ZNF445: variants seen among roughly 807,000 people sequenced by gnomAD.
ZNF445 encodes the protein zinc finger protein 168.
ZNF445 carries 19 observed loss-of-function variants against 93.9 expected under a neutral mutation model. That is an observed-to-expected ratio of 0.20 (90% CI 0.14 to 0.30). The LOEUF (loss-of-function observed/expected upper bound fraction) is 0.30. ZNF445 is among the 10% of genes least tolerant of loss of function. ZNF445 has a pLI of 1.00. For missense variants in ZNF445, 1,058 were observed against 1,259.4 expected (o/e 0.84, Z 2.42); for synonymous variants, 449 against 446.3 (o/e 1.01, Z -0.08).
At chr3:44,456,665 TATA>T (rs1429170201) in intron 2 of ZNF445, among the ~76,000 whole-genome samples, 3 of 152,188 alleles carry the variant, frequency 2.0e-5, no homozygotes, top group African/African-American at 7.2e-5. Flanking sequence ...ATTTTGCTAT[TATA>T]ATATTTTAAA....
At position 44,433,637 on chromosome 3, in the gene ZNF445, T is replaced by G. The variant is rs1369170553; in HGVS notation, c.*12938A>C. 1 of 152,430 alleles carries G rather than the reference T, an allele frequency of 6.6e-6. No individual in the cohort carries two copies. The highest frequency in any genetic ancestry group is 1.5e-5 in the Non-Finnish European group (1 of 68,236). 9.4% of individuals were successfully genotyped at this position (152,430 alleles called of 1,614,324 possible). A position where few individuals can be genotyped will look rare whatever the true frequency, so the allele number is the denominator to read the frequency against. On this transcript the variant is annotated 3_prime_UTR_variant, in exon 8 of 8. Transcript: ENST00000396077. ...AAGGTTCAGGGACCAAGTTCTGGCT[T>G]CTGCCCTTAGAGGAGCCGGACCTGC...
chr3:44,472,777 T>C (rs1378863734), intron 1 of ZNF445, among the ~76,000 whole-genome samples: 1 of 152,196 alleles, frequency 6.6e-6, no homozygotes, highest in Non-Finnish European at 1.5e-5. Flanking sequence ...AAGTCCCAAC[T>C]AGCTTTTAAG....
In ZNF445 at chr3:44,432,261, G is replaced by GTGTGTGTGTC. The variant is rs1553610144; in HGVS notation, c.*14313_*14314insGACACACACA. ...TATTGGAACACATCTACACTCATTT[G>GTGTGTGTGTC]TGTGTGTGTGTCTGTGTGTGTGTGT... is the stretch of plus-strand genomic sequence containing the variant. On this transcript the variant is annotated 3_prime_UTR_variant, in exon 8 of 8. Transcript: ENST00000396077. 6.2e-4 allele frequency: 84 copies of GTGTGTGTGTC among 136,234 alleles called. No homozygotes were observed. Among genetic ancestry groups the GTGTGTGTGTC allele is most frequent in the African/African-American group, 2.3e-3 (80 of 34,120 alleles). 8.4% of individuals were successfully genotyped at this position (136,234 alleles called of 1,614,324 possible).
At chr3:44,460,141 A>G (rs892232078) in intron 1 of ZNF445, among the ~76,000 whole-genome samples, 1 of 152,220 alleles carries the variant, frequency 6.6e-6, no homozygotes, top group East Asian at 1.9e-4. Flanking sequence ...ATAACATTGA[A>G]AACAACCTAC....
Position 44,435,209 on chromosome 3 carries a change from A to G in ZNF445, c.*11366T>C, listed in dbSNP as rs1697651690. 1 of 151,978 alleles carries G rather than the reference A, an allele frequency of 6.6e-6. No homozygotes were observed. Among genetic ancestry groups the G allele is most frequent in the Non-Finnish European group, 1.5e-5 (1 of 67,988 alleles). The allele number at this position is 151,978 out of a possible 1,614,324, so 9.4% of individuals were successfully genotyped here. On this transcript the variant is annotated 3_prime_UTR_variant, in exon 8 of 8. Transcript: ENST00000396077. ...ACCACCCTACTTCTCTAACCTATAA[A>G]TCTCTCTAAGCCTCATCTTTGGGGA...
chr3:44,476,953 T>C (rs1465773664), intron 1 of ZNF445, among the ~76,000 whole-genome samples: 2 of 152,222 alleles, frequency 1.3e-5, no homozygotes, highest in Non-Finnish European at 2.9e-5. Flanking sequence ...GCACTAATTT[T>C]AGCCAAAATA....
chr3:44,467,487 G>A (rs999130817), intron 1 of ZNF445, among the ~76,000 whole-genome samples: 4 of 152,050 alleles, frequency 2.6e-5, no homozygotes, highest in Middle Eastern at 3.2e-3. Flanking sequence ...CTGACAACCC[G>A]TGGTAAGTAA....
rs1263691684 is a variant in ZNF445 at position 44,438,689 on chromosome 3, A to C, written c.*7886T>G. 11 of 152,044 alleles carry C rather than the reference A, an allele frequency of 7.2e-5. No homozygotes were observed. The highest frequency in any genetic ancestry group is 7.2e-4 in the Admixed American group (11 of 15,266). The allele number at this position is 152,044 out of a possible 1,614,324, so 9.4% of individuals were successfully genotyped here. On this transcript the variant is annotated 3_prime_UTR_variant, in exon 8 of 8. Coordinates refer to ENST00000396077, the MANE Select transcript of ZNF445 (RefSeq NM_181489.6). The stretch of plus-strand genomic sequence containing the variant: ...CACCATGGAATACTATGCAGCCATA[A>C]AAAATGATGAGTTCATGTCCTTTGT...
intron 1 of ZNF445, among the ~76,000 whole-genome samples, chr3:44,466,178 T>C (rs1258325345): frequency 1.3e-5 from 2 of 152,188 alleles, no homozygotes; most frequent in Non-Finnish European, 2.9e-5. Context: ...GGTTTTTCTT[T>C]TTTAAAAAAA....
intron 1 of ZNF445, among the ~76,000 whole-genome samples, chr3:44,462,607 T>C (rs1575314864): frequency 6.6e-6 from 1 of 152,258 alleles, no homozygotes; most frequent in Non-Finnish European, 1.5e-5. Context: ...CACCCATGGA[T>C]AGTTTCTGAT....
chr3:44,437,907 G>A lies in ZNF445; in HGVS notation c.*8668C>T, dbSNP rs1243137508. 6.6e-6 allele frequency: 1 copy of A among 152,350 alleles called. No homozygotes were observed. Among genetic ancestry groups the A allele is most frequent in the Admixed American group, 6.6e-5 (1 of 15,266 alleles). The allele number at this position is 152,350 out of a possible 1,614,324, so 9.4% of individuals were successfully genotyped here. ...AAGGGGTCCCAATTCAATCCTAGAGGGTAGGAATGCCTAACTTTCTGAGAA... is the reference window on the plus strand; with the variant it reads ...AAGGGGTCCCAATTCAATCCTAGAGAGTAGGAATGCCTAACTTTCTGAGAA... On this transcript the variant is annotated 3_prime_UTR_variant, in exon 8 of 8. Transcript: ENST00000396077.
intron 1 of ZNF445, among the ~76,000 whole-genome samples, chr3:44,466,058 T>G (rs1313286902): frequency 6.6e-6 from 1 of 152,226 alleles, no homozygotes; most frequent in African/African-American, 2.4e-5. Context: ...TCTTGTTTTC[T>G]CCTTTGGGTA....
chr3:44,454,405 C>T (rs578133849), intron 3 of ZNF445, among the ~76,000 whole-genome samples: 1 of 152,142 alleles, frequency 6.6e-6, no homozygotes, highest in African/African-American at 2.4e-5. Flanking sequence ...ACTTTGTATA[C>T]TGTAAGCCAC....
chr3:44,463,739 C>G (rs1698153304), intron 1 of ZNF445, among the ~76,000 whole-genome samples: 2 of 152,288 alleles, frequency 1.3e-5, no homozygotes, highest in African/African-American at 4.8e-5. Context: ...CATCCCCACC[C>G]AGAACTGGGA....
Position 44,431,986 on chromosome 3 carries a change from G to T in ZNF445, c.*14589C>A. 1 of 152,236 alleles carries T rather than the reference G, an allele frequency of 6.6e-6. No homozygotes were observed. 9.4% of individuals were successfully genotyped at this position (152,236 alleles called of 1,614,324 possible). A position where few individuals can be genotyped will look rare whatever the true frequency, so the allele number is the denominator to read the frequency against. On this transcript the variant is annotated 3_prime_UTR_variant, in exon 8 of 8. Transcript: ENST00000396077. The stretch of plus-strand genomic sequence containing the variant: ...ACCATTTCAGCTCACAGCAACCTCT[G>T]CCTCCTGTGTTCAAGCTATTCTCCC...
At position 44,447,526 on chromosome 3, in the gene ZNF445, C is replaced by G; in HGVS notation, c.2145G>C (p.Gly715=). The G allele has an allele frequency of 6.2e-7, 1 of 1,614,186 alleles. No individual in the cohort carries two copies. The highest frequency in any genetic ancestry group is 8.5e-7 in the Non-Finnish European group (1 of 1,180,018). ...GEKPYQCSDC[G]KDFAYRSAFI... ...AGGCTGACCTATAGGCAAAGTCCTT[C>G]CCACAATCGCTACACTGGTAAGGTT... Residue 715 remains glycine, a synonymous_variant, in exon 8 of 8, where the codon GGG becomes GGC. Transcript: ENST00000396077. The surrounding 1 kb of genome is among the most constrained non-coding windows in gnomAD (Gnocchi z 4.7).
chr3:44,446,899 A>T lies in ZNF445; in HGVS notation c.2772T>A (p.Ala924=). Residue 924 remains alanine (A), a synonymous_variant, in exon 8 of 8, where the codon GCT becomes GCA. Coordinates refer to ENST00000396077, the MANE Select transcript of ZNF445 (RefSeq NM_181489.6). This position sits in a 1 kb window ranked among gnomAD's most constrained non-coding sequence, Gnocchi z 4.2. ...AAGACCGTGCAGGCGGGCTACGTTC[A>T]GCCTGTGCTGCTCTGGTGTGTTTCC... The part of the protein sequence containing the change: ...HQRKHTRAAQ[A]ERSPPARSSS... The T allele has an allele frequency of 6.2e-7, 1 of 1,614,202 alleles. No individual in the cohort carries two copies. The highest frequency in any genetic ancestry group is 8.5e-7 in the Non-Finnish European group (1 of 1,180,036).
At chr3:44,455,049 CCCCCAT>C in intron 3 of ZNF445, 66 bp downstream of exon 3, 1 of 1,587,140 alleles carries the variant, frequency 6.3e-7, no homozygotes, top group Non-Finnish European at 8.6e-7. Flanking sequence ...TAGAGGGCCA[CCCCCAT>C]CCCCAGACAA....
rs1697581825 is a variant in ZNF445 at position 44,432,645 on chromosome 3, A to C, written c.*13930T>G. ...GCTTTCCTCAAAGTCCACAAATTTAAACGTTAATCTCATCCAAAGCAACCT... is the reference window on the plus strand; with the variant it reads ...GCTTTCCTCAAAGTCCACAAATTTACACGTTAATCTCATCCAAAGCAACCT... On this transcript the variant is annotated 3_prime_UTR_variant, in exon 8 of 8. Coordinates refer to ENST00000396077, the MANE Select transcript of ZNF445 (RefSeq NM_181489.6). The C allele has an allele frequency of 6.6e-6, 1 of 152,212 alleles. No homozygotes were observed. The highest frequency in any genetic ancestry group is 6.5e-5 in the Admixed American group (1 of 15,268). 9.4% of individuals were successfully genotyped at this position (152,212 alleles called of 1,614,324 possible).
Sources: gnomAD v4.1 joint callset for allele counts (sites outside exome capture counted in the v4.1 genomes callset) on GRCh38, gnomAD v4.1.1 for gene constraint, Gnocchi (gnomAD v3.1) non-coding constraint, MANE v1.5 for transcripts, NCBI Gene and HGNC (gene_info 2026-07-23, HGNC 2026-07-21) for gene names.